NHSL1: variants seen among roughly 807,000 people sequenced by gnomAD.
The protein encoded by NHSL1 is NHS like 1, also known as NHS-like protein 1.
Under a neutral mutation model 95.0 loss-of-function variants are expected in NHSL1, and 48 were observed. That is an observed-to-expected ratio of 0.51 (90% confidence interval 0.40 to 0.64). The LOEUF is 0.64. Ranked by LOEUF, NHSL1 falls within the 30% of genes least tolerant of loss-of-function variation. NHSL1 has a pLI of 0.00. For synonymous variants in NHSL1, 783 were observed against 833.9 expected, an observed-to-expected ratio of 0.94 and a Z score of 1.05; for missense variants, 1,971 against 2,077.7, an observed-to-expected ratio of 0.95 and a Z score of 1.00.
chr6:138,616,414 G>A (rs1345143326), intron 1 of NHSL1, among the ~76,000 whole-genome samples: 1 of 152,118 alleles, frequency 6.6e-6, no homozygotes, highest in Non-Finnish European at 1.5e-5. Flanking sequence ...AACATTTGTA[G>A]CAGGGGCAGT....
chr6:138,629,380 T>C (rs1465826096), intron 1 of NHSL1, among the ~76,000 whole-genome samples: 6 of 140,038 alleles, frequency 4.3e-5, no homozygotes, highest in African/African-American at 1.6e-4. Context: ...TTTCTTTCTT[T>C]CTTTCTTTCT....
chr6:138,571,902 C>G (rs1783854237), exon 1 of NHSL1: 12 of 1,551,058 alleles, frequency 7.7e-6, no homozygotes, highest in Non-Finnish European at 1.0e-5. Flanking sequence ...GAAGAGCCTT[C>G]CTTTTTCATC....
rs904482524 is a variant in NHSL1, at chr6:138,532,055, T to C, written c.16+13568A>G. Among the ~76,000 whole-genome samples, 16 of 152,298 alleles carry C rather than the reference T, an allele frequency of 1.1e-4. No individual in the cohort carries two copies. In the East Asian group the frequency reaches 2.9e-3, roughly 28 times the overall value. On this transcript the variant is annotated intron_variant, in intron 1 of 4. Transcript: ENST00000342260. ...GTTACTAACCAGCATTGGAATATTA[T>C]AGAGAACTTCCAAGAGGAGGTAACA...
chr6:138,446,242 G>A (rs1776858054), intron 4 of NHSL1, among the ~76,000 whole-genome samples: 1 of 151,994 alleles, frequency 6.6e-6, no homozygotes, highest in Admixed American at 6.6e-5. Flanking sequence ...TCACCACGTT[G>A]GCCAGGCTGG....
Position 138,424,858 on chromosome 6 carries a change from G to A in NHSL1, c.4086-42C>T. On this transcript the variant is annotated intron_variant, in intron 7 of 7. Transcript: ENST00000343505. The surrounding 1 kb of genome is among the most constrained non-coding windows in gnomAD (Gnocchi z 5.9). ...TTAAGAAAAAGGTTAATTCCCACGG[G>A]ACCACAGGCTGTCAGCCACAACCAC... The A allele has an allele frequency of 1.3e-6, 2 of 1,496,162 alleles. No individual in the cohort carries two copies. The highest frequency in any genetic ancestry group is 1.8e-6 in the Non-Finnish European group (2 of 1,109,726). The allele number at this position is 1,496,162 out of a possible 1,614,324, so 92.7% of individuals were successfully genotyped here.
At chr6:138,501,054 A>C (rs1467147261), upstream of NHSL1, among the ~76,000 whole-genome samples, 1 of 152,234 alleles carries the variant, frequency 6.6e-6, no homozygotes, top group East Asian at 1.9e-4. Flanking sequence ...TGCATTAGAC[A>C]CAAGGAGAGT....
At chr6:138,453,061 G>C (rs1480643168) in intron 3 of NHSL1, among the ~76,000 whole-genome samples, 1 of 151,682 alleles carries the variant, frequency 6.6e-6, no homozygotes, top group South Asian at 2.1e-4. Flanking sequence ...CTGCATCTCC[G>C]CCTCCCAGGT....
chr6:138,568,082 G>C (rs1332987175), intron 1 of NHSL1, among the ~76,000 whole-genome samples: 1 of 152,108 alleles, frequency 6.6e-6, no homozygotes, highest in African/African-American at 2.4e-5. Flanking sequence ...TTTCCTCAAG[G>C]ACCTTCCACA....
rs539240279 is a variant in NHSL1, at chr6:138,684,149, T to C, written c.96+8327A>G. On this transcript the variant is annotated intron_variant, in intron 1 of 3. Transcript: ENST00000491526. ...ATTACTTGAACCCAGGAGGCAGAGG[T>C]TGCAGTGAGCCGAGATCTCACCACT... 3.4e-5 allele frequency among the ~76,000 whole-genome samples: 5 copies of C among 147,460 alleles called. No individual in the cohort carries two copies. The South Asian group carries it at 1.1e-3, about 32-fold the overall frequency.
Position 138,431,919 on chromosome 6 carries a change from C to G in NHSL1, c.2426G>C (p.Gly809Ala), listed in dbSNP as rs1484922180. ...GCSTSSGVPT[G>A]NGPVRHVQEG... ...TTGGACATGGCGGACTGGCCCGTTCCCAGTGGGCACCCCACTGCTGGTTGA... is the reference window on the plus strand; with the variant it reads ...TTGGACATGGCGGACTGGCCCGTTCGCAGTGGGCACCCCACTGCTGGTTGA... Residue 809 changes from glycine (G) to alanine (A), a missense_variant, in exon 6 of 8, where the codon GGG (glycine) becomes GCG (alanine). Coordinates refer to ENST00000343505, the MANE Select transcript of NHSL1 (RefSeq NM_001144060.2). The surrounding 1 kb of genome is among the most constrained non-coding windows in gnomAD (Gnocchi z 4.0). 1.3e-6 allele frequency: 2 copies of G among 1,551,590 alleles called. No individual in the cohort carries two copies. The highest frequency in any genetic ancestry group is 4.9e-5 in the East Asian group (2 of 40,924).
At chr6:138,583,854 T>C (rs754810758) in intron 1 of NHSL1, among the ~76,000 whole-genome samples, 1 of 152,288 alleles carries the variant, frequency 6.6e-6, no homozygotes, top group South Asian at 2.1e-4. Flanking sequence ...ATCTGCCATA[T>C]GAGGGAGGCC....
intron 1 of NHSL1, among the ~76,000 whole-genome samples, chr6:138,521,523 A>C (rs988080715): frequency 3.3e-5 from 5 of 152,124 alleles, no homozygotes; most frequent in Non-Finnish European, 7.4e-5. Context: ...CTATGGTTTG[A>C]CATAGCATGA....
chr6:138,571,620 G>A (rs1231004773), intron 1 of NHSL1: 9 of 1,239,180 alleles, frequency 7.3e-6, no homozygotes, highest in Admixed American at 4.9e-5. Flanking sequence ...TCCTAATGGG[G>A]GCAAAAATCA....
intron 1 of NHSL1, among the ~76,000 whole-genome samples, chr6:138,667,196 G>C (rs1312384858): frequency 6.6e-6 from 1 of 152,110 alleles, no homozygotes; most frequent in Non-Finnish European, 1.5e-5. Context: ...CTCAGCAAAG[G>C]CAAAGAACTA....
At chr6:138,426,360 C>T (rs979440927) in intron 7 of NHSL1, among the ~76,000 whole-genome samples, 2 of 152,208 alleles carry the variant, frequency 1.3e-5, no homozygotes, top group Admixed American at 6.5e-5. Context: ...ATACCAACCT[C>T]ACAGGTTTGT....
intron 1 of NHSL1, among the ~76,000 whole-genome samples, chr6:138,681,467 G>A (rs529446763): frequency 2.0e-5 from 3 of 152,322 alleles, no homozygotes; most frequent in African/African-American, 7.2e-5. Flanking sequence ...TGGTCCTCAT[G>A]TAATATAAAG....
chr6:138,430,607 A>G lies in NHSL1; in HGVS notation c.3738T>C (p.Ser1246=). ...GSVHSREAKE[S]SAAQAGSHAT... ...CATGAGAGCCAGCTTGGGCTGCAGA[A>G]CTCTCTTTTGCCTCCCTGCTGTGCA... is the stretch of plus-strand genomic sequence containing the variant. The change falls in exon 6 of 8, where the codon AGT becomes AGC. Residue 1246 remains serine, a synonymous_variant. Transcript: ENST00000343505. This position sits in a 1 kb window ranked among gnomAD's most constrained non-coding sequence, Gnocchi z 4.7. The G allele has an allele frequency of 2.6e-6, 4 of 1,549,790 alleles. No homozygotes were observed. The highest frequency in any genetic ancestry group is 2.6e-6 in the Non-Finnish European group (3 of 1,145,826).
chr6:138,466,455 G>GCT (rs1778386560), intron 3 of NHSL1, among the ~76,000 whole-genome samples: 1 of 152,178 alleles, frequency 6.6e-6, no homozygotes, highest in African/African-American at 2.4e-5. Flanking sequence ...TTCCAGAAAT[G>GCT]CTCATTCTTT....
At chr6:138,618,215 G>A (rs2114619033) in intron 1 of NHSL1, among the ~76,000 whole-genome samples, 1 of 152,280 alleles carries the variant, frequency 6.6e-6, no homozygotes, top group Admixed American at 6.5e-5. Context: ...CTATACATCA[G>A]CTACCCAAGG....
Sources: allele counts gnomAD v4.1 joint callset (sites outside exome capture counted in the v4.1 genomes callset), GRCh38; gene constraint gnomAD v4.1.1; non-coding constraint Gnocchi (gnomAD v3.1); transcripts MANE v1.5; gene names NCBI Gene and HGNC (gene_info 2026-07-23, HGNC 2026-07-21).